EXTL3: variants seen among roughly 807,000 people sequenced by gnomAD.
The protein encoded by EXTL3 is exostosin-like 3.
EXTL3 carries 27 observed loss-of-function variants against 69.3 expected under a neutral mutation model. That is an observed-to-expected ratio of 0.39 (90% CI 0.29 to 0.54). The LOEUF is 0.54. Ranked by LOEUF, EXTL3 falls within the 20% of genes least tolerant of loss-of-function variation. The pLI, the probability that EXTL3 is intolerant of heterozygous loss-of-function variation, is 0.69. For missense variants in EXTL3, 1,003 were observed against 1,231.8 expected (o/e 0.81, Z 2.78); for synonymous variants, 511 against 499.4 (o/e 1.02, Z -0.31).
At chr8:28,715,306 A>G (rs1164913666) in intron 2 of EXTL3, among the ~76,000 whole-genome samples, 1 of 152,230 alleles carries the variant, frequency 6.6e-6, no homozygotes, top group Non-Finnish European at 1.5e-5. Context: ...TCATCGTGTT[A>G]CAGGGCTATA....
intron 3 of EXTL3, among the ~76,000 whole-genome samples, chr8:28,727,230 A>G (rs1347504194): frequency 6.6e-6 from 1 of 152,136 alleles, no homozygotes; most frequent in Non-Finnish European, 1.5e-5. Flanking sequence ...GCAGTTTGCT[A>G]TACCTGAACA....
Position 28,717,014 on chromosome 8 carries a change from C to A in EXTL3, c.955C>A (p.Leu319Met). Residue 319 changes from leucine to methionine, a missense_variant, in exon 3 of 7, where the codon CTG becomes ATG. Around this residue, in one of 2 missense-constraint regions of EXTL3, gnomAD observed 742 missense variants for 815.4 expected, o/e 0.91. Transcript: ENST00000220562. The surrounding 1 kb of genome is among the most constrained non-coding windows in gnomAD (Gnocchi z 8.3). ...RPGFDLVVSPLVHAMSEPNFM... is the reference protein window; with the variant it reads ...RPGFDLVVSPMVHAMSEPNFM... ...TGGCTTTGACTTGGTCGTATCACCG[C>A]TGGTCCATGCCATGTCTGAGCCCAA... is the stretch of plus-strand genomic sequence containing the variant. 1.2e-6 allele frequency: 2 copies of A among 1,614,256 alleles called. No homozygotes were observed. Among genetic ancestry groups the A allele is most frequent in the Non-Finnish European group, 1.7e-6 (2 of 1,180,050 alleles).
intron 3 of EXTL3, among the ~76,000 whole-genome samples, chr8:28,729,895 A>G (rs1366983700): frequency 6.6e-6 from 1 of 150,782 alleles, no homozygotes; most frequent in African/African-American, 2.4e-5. Flanking sequence ...GCAACTTGCC[A>G]GTTGTATGAC....
rs1802000672 is a variant in EXTL3 at position 28,751,393 on chromosome 8, TG to T, written c.*528del. 6.2e-6 allele frequency: 1 copy of T among 160,336 alleles called. No individual in the cohort carries two copies. 9.9% of individuals were successfully genotyped at this position (160,336 alleles called of 1,614,324 possible). Reference sequence around the variant, plus strand: ...TTCTGGCGGAGATGGGTCCTGGCCTTGTGTCACTGGCTTATCCTTAAAGATC... The same window carrying T: ...TTCTGGCGGAGATGGGTCCTGGCCTTTGTCACTGGCTTATCCTTAAAGATC... On this transcript the variant is annotated 3_prime_UTR_variant, in exon 7 of 7. Coordinates refer to ENST00000220562, the MANE Select transcript of EXTL3 (RefSeq NM_001440.4).
Position 28,715,939 on chromosome 8 carries a change from T to C in EXTL3, c.-121T>C, listed in dbSNP as rs2130734539. ...TGTTCATTTTATTTGGTGCCTTGTC[T>C]GGGGAGCACACTAACTCTTCTGGAA... is the stretch of plus-strand genomic sequence containing the variant. On this transcript the variant is annotated 5_prime_UTR_variant, in exon 3 of 7. Coordinates refer to ENST00000220562, the MANE Select transcript of EXTL3 (RefSeq NM_001440.4). The C allele has an allele frequency of 1.3e-6, 1 of 770,702 alleles. No homozygotes were observed. The highest frequency in any genetic ancestry group is 2.4e-5 in the Admixed American group (1 of 41,266). The allele number at this position is 770,702 out of a possible 1,614,324, so 47.7% of individuals were successfully genotyped here.
At chr8:28,619,642 G>A (rs1462536804), upstream of EXTL3, among the ~76,000 whole-genome samples, 1 of 151,764 alleles carries the variant, frequency 6.6e-6, no homozygotes, top group Non-Finnish European at 1.5e-5. Context: ...GCTCCCTGCC[G>A]GCAGCCTCCC....
chr8:28,689,241 G>A (rs1800572379), intron 1 of EXTL3, among the ~76,000 whole-genome samples: 1 of 152,160 alleles, frequency 6.6e-6, no homozygotes, highest in Non-Finnish European at 1.5e-5. Flanking sequence ...TGAAGGCTTA[G>A]GGGATTTTAT....
chr8:28,748,621 A>C (rs925019306), intron 6 of EXTL3, among the ~76,000 whole-genome samples: 5 of 152,140 alleles, frequency 3.3e-5, no homozygotes, highest in African/African-American at 7.2e-5. Context: ...GGATTTTATC[A>C]CTCATGTGAA....
Position 28,751,736 on chromosome 8 carries a change from A to G in EXTL3, c.*870A>G, listed in dbSNP as rs1026277519. ...AAGAGTGAGAAAGAATAGGGGCTGAAGACGCCACTCCCAGATGGCTCTTTC... is the reference window on the plus strand; with the variant it reads ...AAGAGTGAGAAAGAATAGGGGCTGAGGACGCCACTCCCAGATGGCTCTTTC... On this transcript the variant is annotated 3_prime_UTR_variant, in exon 7 of 7. Coordinates refer to ENST00000220562, the MANE Select transcript of EXTL3 (RefSeq NM_001440.4). 2 of 152,248 alleles carry G rather than the reference A, an allele frequency of 1.3e-5. No homozygotes were observed. Among genetic ancestry groups the G allele is most frequent in the African/African-American group, 4.8e-5 (2 of 41,452 alleles). The allele number at this position is 152,248 out of a possible 1,614,324, so 9.4% of individuals were successfully genotyped here. A position where few individuals can be genotyped will look rare whatever the true frequency, so the allele number is the denominator to read the frequency against.
In EXTL3 at chr8:28,687,260, G is replaced by C. The variant is rs538403140; in HGVS notation, c.-52-26197G>C. The stretch of plus-strand genomic sequence containing the variant: ...GTGGATGGATCACTTGAGGTCAGGA[G>C]TTCGTAACCAGCCTGGCCAAGACAG... On this transcript the variant is annotated intron_variant, in intron 1 of 6. Coordinates refer to the EXTL3 transcript ENST00000523149. Among the ~76,000 whole-genome samples, 903 of 152,340 alleles carry C rather than the reference G, an allele frequency of 5.9e-3. 5 individuals carry two copies. The highest frequency in any genetic ancestry group is 0.02 in the African/African-American group (849 of 41,574).
In EXTL3 at chr8:28,670,447, T is replaced by C. The variant is rs116938442; in HGVS notation, c.-52-43010T>C. On this transcript the variant is annotated intron_variant, in intron 1 of 6. Transcript: ENST00000523149. ...GGCTGACAAGTCCCAGGATTTGCAG[T>C]TGGATGGCTGGAGACCCAGAAGGGC... is the stretch of plus-strand genomic sequence containing the variant. Among the ~76,000 whole-genome samples, 73 of 152,202 alleles carry C rather than the reference T, an allele frequency of 4.8e-4. No individual in the cohort carries two copies. The East Asian group carries it at 0.012, about 26-fold the overall frequency.
At chr8:28,652,059 GTA>G (rs1554548757) in intron 1 of EXTL3, among the ~76,000 whole-genome samples, 8 of 151,976 alleles carry the variant, frequency 5.3e-5, no homozygotes, top group African/African-American at 1.9e-4. Flanking sequence ...GTGTGTGTGT[GTA>G]TGTATACTGA....
rs560623677 is a variant in EXTL3, at chr8:28,632,848, C to T, written c.-53+10038C>T. Among the ~76,000 whole-genome samples the T allele has an allele frequency of 4.6e-5, 7 of 152,162 alleles. No homozygotes were observed. In the East Asian group the frequency reaches 1.4e-3, roughly 29 times the overall value. On this transcript the variant is annotated intron_variant, in intron 1 of 6. Coordinates refer to the EXTL3 transcript ENST00000523149. The stretch of plus-strand genomic sequence containing the variant: ...TGATTACAGGCGTGAGCCACTATGC[C>T]CAGCCACATTTATTCTTAATAGCAA...
intron 1 of EXTL3, among the ~76,000 whole-genome samples, chr8:28,647,292 C>T (rs901963948): frequency 6.6e-6 from 1 of 151,796 alleles, no homozygotes; most frequent in Non-Finnish European, 1.5e-5. Flanking sequence ...TTAGTAGAGA[C>T]GGGGGTTTCA....
intron 1 of EXTL3, among the ~76,000 whole-genome samples, chr8:28,687,657 C>T (rs982008151): frequency 2.0e-5 from 3 of 152,128 alleles, no homozygotes; most frequent in Non-Finnish European, 2.9e-5. Flanking sequence ...GATTTGGCTG[C>T]TGAAGTCTTA....
At chr8:28,703,756 G>C (rs892770586) in intron 1 of EXTL3, among the ~76,000 whole-genome samples, 1 of 152,192 alleles carries the variant, frequency 6.6e-6, no homozygotes, top group Non-Finnish European at 1.5e-5. Flanking sequence ...TATGAAACCA[G>C]GACGTTTCAT....
chr8:28,685,891 G>A (rs1193426616), intron 1 of EXTL3: 1 of 151,092 alleles, frequency 6.6e-6, no homozygotes, highest in Admixed American at 6.6e-5. Flanking sequence ...TTGAGACAGA[G>A]TCTTGTCTTG....
At chr8:28,676,987 C>T (rs1157675118) in intron 1 of EXTL3, among the ~76,000 whole-genome samples, 1 of 152,064 alleles carries the variant, frequency 6.6e-6, no homozygotes, top group Non-Finnish European at 1.5e-5. Flanking sequence ...ATAGGCTCGT[C>T]TCTTGGCTAC....
At chr8:28,670,431 G>A (rs1311928991) in intron 1 of EXTL3, among the ~76,000 whole-genome samples, 2 of 152,172 alleles carry the variant, frequency 1.3e-5, no homozygotes, top group Non-Finnish European at 2.9e-5. Flanking sequence ...AGGCTGACAA[G>A]TCCCAGGATT....
Sources: gnomAD v4.1 joint callset for allele counts (sites outside exome capture counted in the v4.1 genomes callset) on GRCh38, gnomAD v4.1.1 for gene constraint, gnomAD v4.1.1 regional missense constraint, Gnocchi (gnomAD v3.1) non-coding constraint, MANE v1.5 for transcripts, NCBI Gene and HGNC (gene_info 2026-07-23, HGNC 2026-07-21) for gene names.